The following OSBPL9 variants were observed in gnomAD, a reference collection of about 807,000 sequenced individuals.
The protein encoded by OSBPL9 is oxysterol binding protein like 9.
Under a neutral mutation model 106.6 loss-of-function variants are expected in OSBPL9, and 40 were observed. The observed-to-expected ratio is 0.38, with a 90% CI of 0.29 to 0.49. The LOEUF is 0.49. OSBPL9 is among the 20% of genes least tolerant of loss of function. The probability of loss-of-function intolerance (pLI) is 0.97; values close to 1 mark genes in which losing one functional copy is unlikely to be tolerated. For missense variants in OSBPL9, 609 were observed against 887.2 expected (o/e 0.69, Z 3.98); for synonymous variants, 269 against 295.4 (o/e 0.91, Z 0.92).
At chr1:51,542,217 A>G in the OSBPL9 span, among the ~76,000 whole-genome samples, 3 of 152,312 alleles carry the variant, frequency 2.0e-5, no homozygotes, top group Admixed American at 2.0e-4. Flanking sequence ...TTGCAAAAAG[A>G]GCATTTTTAT....
In OSBPL9 at chr1:51,788,489, T is replaced by C. The variant is rs1678234828; in HGVS notation, c.*700T>C. The C allele has an allele frequency of 6.6e-6, 1 of 152,640 alleles. No individual in the cohort carries two copies. The allele number at this position is 152,640 out of a possible 1,614,324, so 9.5% of individuals were successfully genotyped here. ...TAAAAATGTGCATCTTTTATTATCT[T>C]TTATGGTTAAACTTGGAAGCCAATT... On this transcript the variant is annotated 3_prime_UTR_variant, in exon 24 of 24. Coordinates refer to ENST00000428468, the MANE Select transcript of OSBPL9 (RefSeq NM_024586.6).
intron 8 of OSBPL9, among the ~76,000 whole-genome samples, chr1:51,755,700 G>A (rs1670196479): frequency 6.6e-6 from 1 of 152,196 alleles, no homozygotes; most frequent in Admixed American, 6.5e-5. Flanking sequence ...CACGTTTAAG[G>A]TAGGTTAGGA....
At chr1:51,736,431 AT>A (rs1557767917) in intron 4 of OSBPL9, among the ~76,000 whole-genome samples, 1 of 152,124 alleles carries the variant, frequency 6.6e-6, no homozygotes, top group African/African-American at 2.4e-5. Flanking sequence ...CTGATCATCT[AT>A]CTGTTAGTCC....
chr1:51,562,550 T>C, the OSBPL9 span, among the ~76,000 whole-genome samples: 1 of 152,160 alleles, frequency 6.6e-6, no homozygotes. Flanking sequence ...CAGTTGTGTA[T>C]TAGACATAAG....
At chr1:51,632,621 CAA>C (rs1450727394) in intron 1 of OSBPL9, among the ~76,000 whole-genome samples, 1 of 117,358 alleles carries the variant, frequency 8.5e-6, no homozygotes, top group African/African-American at 3.3e-5. Flanking sequence ...CTAGGTTAAG[CAA>C]AGACTCTTCC....
At chr1:51,607,502 G>A (rs1169218111) in intron 2 of OSBPL9, among the ~76,000 whole-genome samples, 1 of 152,060 alleles carries the variant, frequency 6.6e-6, no homozygotes, top group Non-Finnish European at 1.5e-5. Flanking sequence ...AATCTTCTGG[G>A]TAGATAGGTA....
At chr1:51,576,706 T>C (rs1359512392), upstream of OSBPL9, among the ~76,000 whole-genome samples, 1 of 152,078 alleles carries the variant, frequency 6.6e-6, no homozygotes, top group Admixed American at 6.6e-5. Flanking sequence ...TTTGATTCTT[T>C]GTTGAAATTA....
Position 51,622,437 on chromosome 1 carries a change from C to G in OSBPL9, c.111+5216C>G, listed in dbSNP as rs531264532. On this transcript the variant is annotated intron_variant, in intron 1 of 23. Transcript: ENST00000428468. ...ATCTATTGCGTTATGACAGATTACTCCAAAATGTAGCAATTTAAAACAACA... is the reference window on the plus strand; with the variant it reads ...ATCTATTGCGTTATGACAGATTACTGCAAAATGTAGCAATTTAAAACAACA... Among the ~76,000 whole-genome samples the G allele has an allele frequency of 3.3e-5, 5 of 152,274 alleles. No homozygotes were observed. In the South Asian group the frequency reaches 1.0e-3, roughly 32 times the overall value.
At chr1:51,695,129 C>G (rs1356178467) in intron 3 of OSBPL9, among the ~76,000 whole-genome samples, 1 of 152,116 alleles carries the variant, frequency 6.6e-6, no homozygotes, top group Non-Finnish European at 1.5e-5. Flanking sequence ...GTCACAGAGA[C>G]TATGTATTAA....
intron 1 of OSBPL9, among the ~76,000 whole-genome samples, chr1:51,622,951 GA>G (rs1644533254): frequency 6.6e-6 from 1 of 152,156 alleles, no homozygotes; most frequent in Non-Finnish European, 1.5e-5. Context: ...ATTGGCAGAG[GA>G]AAAAAGCTTG....
the OSBPL9 span, among the ~76,000 whole-genome samples, chr1:51,527,870 T>G: frequency 6.6e-6 from 1 of 151,468 alleles, no homozygotes; most frequent in African/African-American, 2.4e-5. Flanking sequence ...CCCAGCACTT[T>G]GGGAGACCGA....
intron 11 of OSBPL9, among the ~76,000 whole-genome samples, chr1:51,764,016 A>G (rs1255008359): frequency 6.6e-6 from 1 of 152,222 alleles, no homozygotes; most frequent in Non-Finnish European, 1.5e-5. Flanking sequence ...AGGTATTTCA[A>G]AAATCTAACA....
Position 51,772,681 on chromosome 1 carries a change from G to A in OSBPL9, c.1128G>A (p.Met376Ile), listed in dbSNP as rs770516031. Residue 376 changes from methionine (M) to isoleucine (I), a missense_variant, in exon 14 of 24, where the codon ATG becomes ATA. Coordinates refer to ENST00000428468, the MANE Select transcript of OSBPL9 (RefSeq NM_024586.6). ...GSVEEHKSVI[M>I]HLLSQVRLGM... ...TGGAGGAGCACAAGAGCGTTATCATGCATCTCTTGTCGCAGGTTAGACTTG... is the reference window on the plus strand; with the variant it reads ...TGGAGGAGCACAAGAGCGTTATCATACATCTCTTGTCGCAGGTTAGACTTG... 4 of 1,614,170 alleles carry A rather than the reference G, an allele frequency of 2.5e-6. No individual in the cohort carries two copies. The highest frequency in any genetic ancestry group is 4.5e-5 in the East Asian group (2 of 44,886).
intron 1 of OSBPL9, among the ~76,000 whole-genome samples, chr1:51,580,494 C>T (rs1025192769): frequency 6.6e-6 from 1 of 152,118 alleles, no homozygotes; most frequent in African/African-American, 2.4e-5. Context: ...TTCTAATCAG[C>T]TATACCCTAG....
chr1:51,780,713 C>T (rs947438330), intron 15 of OSBPL9, among the ~76,000 whole-genome samples: 2 of 151,926 alleles, frequency 1.3e-5, no homozygotes, highest in South Asian at 2.1e-4. Context: ...TACAGTGAGC[C>T]GAGATCACGC....
chr1:51,600,450 T>C (rs894388942), intron 2 of OSBPL9, among the ~76,000 whole-genome samples: 1 of 152,212 alleles, frequency 6.6e-6, no homozygotes, highest in African/African-American at 2.4e-5. Flanking sequence ...TTTAAAGATA[T>C]ATTTATGACT....
rs764421278 is a variant in OSBPL9, at chr1:51,729,235, A to G, written c.318+15156A>G. ...TCACGCTTTTGTTTACCGATATAGT[A>G]TCTCCTCCTCCCCTCACTCCATCAA... is the stretch of plus-strand genomic sequence containing the variant. On this transcript the variant is annotated intron_variant, in intron 4 of 23. Coordinates refer to ENST00000428468, the MANE Select transcript of OSBPL9 (RefSeq NM_024586.6). This position sits in a 1 kb window ranked among gnomAD's most constrained non-coding sequence, Gnocchi z 5.1. The G allele has an allele frequency of 6.6e-6, 1 of 152,180 alleles. No individual in the cohort carries two copies. Among genetic ancestry groups the G allele is most frequent in the African/African-American group, 2.4e-5 (1 of 41,396 alleles). The allele number at this position is 152,180 out of a possible 1,614,324, so 9.4% of individuals were successfully genotyped here.
chr1:51,714,147 T>G (rs1280100178), intron 4 of OSBPL9, 68 bp downstream of exon 4: 6 of 686,954 alleles, frequency 8.7e-6, no homozygotes, highest in South Asian at 2.9e-5. Flanking sequence ...CTGTTTTCTG[T>G]TTTTTTTTTT....
At chr1:51,564,052 C>CAAAAAAAAAAAAAAAAAAAAAAAAAAA in the OSBPL9 span, among the ~76,000 whole-genome samples, 4 of 27,384 alleles carry the variant, frequency 1.5e-4, no homozygotes, top group African/African-American at 2.5e-4. Context: ...GAGATCATCT[C>CAAAAAAAAAAAAAAAAAAAAAAAAAAA]AAAAAAAAAA....
Sources: gnomAD v4.1 joint callset for allele counts (sites outside exome capture counted in the v4.1 genomes callset) on GRCh38, gnomAD v4.1.1 for gene constraint, Gnocchi (gnomAD v3.1) non-coding constraint, MANE v1.5 for transcripts, NCBI Gene and HGNC (gene_info 2026-07-23, HGNC 2026-07-21) for gene names.